Variants in ALS2 observed in about 807,000 individuals in gnomAD.
ALS2 encodes alsin.
ALS2 carries 117 observed loss-of-function variants against 203.4 expected under a neutral mutation model. The observed-to-expected ratio is 0.58, with a 90% CI of 0.50 to 0.67. The LOEUF is 0.67. Among genes scored for constraint, ALS2 ranks in the 30% least tolerant of loss-of-function variants. The pLI is 0.00. For synonymous variants in ALS2, 718 were observed against 725.9 expected, an observed-to-expected ratio of 0.99 and a Z score of 0.17; for missense variants, 1,715 against 1,989.4, an observed-to-expected ratio of 0.86 and a Z score of 2.62.
In ALS2 at chr2:201,741,693, AGAGAC is replaced by A; in HGVS notation, c.2327_2331del (p.Ser776IlefsTer4). 1.2e-6 allele frequency: 2 copies of A among 1,614,142 alleles called. No homozygotes were observed. The highest frequency in any genetic ancestry group is 1.7e-6 in the Non-Finnish European group (2 of 1,180,018). On this transcript the variant is annotated frameshift_variant, in exon 11 of 34. Coordinates refer to ENST00000264276, the MANE Select transcript of ALS2 (RefSeq NM_020919.4). LOFTEE classifies it high-confidence loss of function. The stretch of plus-strand genomic sequence containing the variant: ...ACTTGCTCTGTATAACTATCCAAGA[AGAGAC>A]TTGAATGCTTCAGGATGACCAAACT...
At chr2:201,754,457 T>C in intron 6 of ALS2, 46 bp downstream of exon 6, 1 of 1,612,868 alleles carries the variant, frequency 6.2e-7, no homozygotes, top group Non-Finnish European at 8.5e-7. Context: ...GGAGAGAGAT[T>C]ATTTGTTTAA....
intron 1 of ALS2, among the ~76,000 whole-genome samples, chr2:201,780,530 C>G (rs1311325766): frequency 2.6e-5 from 4 of 152,132 alleles, no homozygotes; most frequent in South Asian, 2.1e-4. Context: ...GAATGAATAG[C>G]TGGAAGGCAG....
At chr2:201,745,341 C>A (rs1692560057) in intron 9 of ALS2, among the ~76,000 whole-genome samples, 1 of 152,106 alleles carries the variant, frequency 6.6e-6, no homozygotes, top group Non-Finnish European at 1.5e-5. Flanking sequence ...AACCATTGTA[C>A]TTGGTCCCAA....
Position 201,761,475 on chromosome 2 carries a change from T to G in ALS2, c.519A>C (p.Ala173=). ...GACCCAACTGACAACCGGTACCCCATGCCCAAATCTCTCTGCTTATTGACA... is the reference window on the plus strand; with the variant it reads ...GACCCAACTGACAACCGGTACCCCAGGCCCAAATCTCTCTGCTTATTGACA... ...LALSISREIW[A]WGTGCQLGLI... The change falls in exon 4 of 34, where the codon GCA becomes GCC. Residue 173 remains alanine (A), a synonymous_variant. Coordinates refer to ENST00000264276, the MANE Select transcript of ALS2 (RefSeq NM_020919.4). The G allele has an allele frequency of 6.2e-7, 1 of 1,609,184 alleles. No homozygotes were observed. The highest frequency in any genetic ancestry group is 2.2e-5 in the East Asian group (1 of 44,746).
At position 201,761,722 on chromosome 2, in the gene ALS2, T is replaced by C. The variant is rs749141308; in HGVS notation, c.272A>G (p.Gln91Arg). The part of the protein sequence containing the change: ...SPILENALVG[Q>R]YVITVATGSF... Reference sequence around the variant, plus strand: ...TCCTGTTGCCACAGTAATAACATATTGCCCAACCAGGGCATTTTCTAGAAT... The same window carrying C: ...TCCTGTTGCCACAGTAATAACATATCGCCCAACCAGGGCATTTTCTAGAAT... Residue 91 changes from glutamine (Q) to arginine (R), a missense_variant, in exon 4 of 34, where the codon CAA becomes CGA. Physicochemically the swap from Gln to Arg is conservative, Grantham distance 43. This residue lies in a region of ALS2 where 476 missense variants were observed against 539.3 expected (regional missense o/e 0.88). Coordinates refer to ENST00000264276, the MANE Select transcript of ALS2 (RefSeq NM_020919.4). The C allele has an allele frequency of 1.9e-6, 3 of 1,614,036 alleles. No individual in the cohort carries two copies. In the African/African-American group the frequency reaches 4.0e-5, roughly 22 times the overall value.
intron 20 of ALS2, 87 bp from the exon 21 acceptor site, chr2:201,724,546 C>G: frequency 7.9e-7 from 1 of 1,259,418 alleles, no homozygotes; most frequent in African/African-American, 1.5e-5. Flanking sequence ...CAAAACCATA[C>G]TCAGTCTCAC....
chr2:201,768,401 C>T (rs565769466), intron 2 of ALS2, among the ~76,000 whole-genome samples: 23 of 152,208 alleles, frequency 1.5e-4, no homozygotes, highest in African/African-American at 5.5e-4. Flanking sequence ...AACGCTGATG[C>T]CAAAATTTTA....
At chr2:201,713,788 C>T (rs1341361522) in intron 25 of ALS2, among the ~76,000 whole-genome samples, 1 of 152,098 alleles carries the variant, frequency 6.6e-6, no homozygotes, top group East Asian at 1.9e-4. Flanking sequence ...ACAACTTCAA[C>T]ATCTATGTCA....
intron 26 of ALS2, 81 bp from the exon 27 acceptor site, chr2:201,710,119 A>T: frequency 6.7e-7 from 1 of 1,486,702 alleles, no homozygotes; most frequent in Non-Finnish European, 9.3e-7. Flanking sequence ...CAACTTCATA[A>T]ATGACACACA....
At position 201,780,895 on chromosome 2, in the gene ALS2, C is replaced by G. The variant is rs540106284; in HGVS notation, c.-79G>C. 1 of 152,718 alleles carries G rather than the reference C, an allele frequency of 6.5e-6. No homozygotes were observed. Among genetic ancestry groups the G allele is most frequent in the South Asian group, 2.1e-4 (1 of 4,838 alleles). The allele number at this position is 152,718 out of a possible 1,614,324, so 9.5% of individuals were successfully genotyped here. A position where few individuals can be genotyped will look rare whatever the true frequency, so the allele number is the denominator to read the frequency against. On this transcript the variant is annotated 5_prime_UTR_variant, in exon 1 of 34. Coordinates refer to ENST00000264276, the MANE Select transcript of ALS2 (RefSeq NM_020919.4). ...CGCTCACCTGAAGCTCCACCGGCAG[C>G]ACCGCGCTCCGCATCCGGCGCGAGC...
chr2:201,741,159 T>A (rs1289259170), intron 11 of ALS2: 2 of 153,720 alleles, frequency 1.3e-5, no homozygotes, highest in Non-Finnish European at 1.4e-5. Context: ...ATATTTTGCT[T>A]GAAAAATATG....
At chr2:201,723,656 T>C (rs1559046983) in intron 21 of ALS2, among the ~76,000 whole-genome samples, 1 of 152,226 alleles carries the variant, frequency 6.6e-6, no homozygotes. Context: ...TTTAATGTTG[T>C]GGTCTGACAC....
At chr2:201,736,580 G>T (rs1366021382) in intron 12 of ALS2, among the ~76,000 whole-genome samples, 2 of 150,240 alleles carry the variant, frequency 1.3e-5, no homozygotes, top group Non-Finnish European at 3.0e-5. Context: ...TGAACAAAAA[G>T]AAAGTAGAAG....
chr2:201,702,442 G>A (rs1437999249), intron 33 of ALS2, among the ~76,000 whole-genome samples: 1 of 152,024 alleles, frequency 6.6e-6, no homozygotes, highest in Non-Finnish European at 1.5e-5. Context: ...AAATCCCCAG[G>A]AGTAGAACCA....
At chr2:201,702,916 G>A (rs1689477328) in intron 33 of ALS2, among the ~76,000 whole-genome samples, 1 of 152,162 alleles carries the variant, frequency 6.6e-6, no homozygotes, top group African/African-American at 2.4e-5. Context: ...AGGAGTTCGT[G>A]ACCAGCCTGG....
chr2:201,731,702 A>AGG (rs1409051892), intron 13 of ALS2, among the ~76,000 whole-genome samples: 1 of 152,212 alleles, frequency 6.6e-6, no homozygotes, highest in East Asian at 1.9e-4. Flanking sequence ...GATGGAATAC[A>AGG]GGCAGGTTTT....
chr2:201,780,502 C>T (rs1236784543), intron 1 of ALS2, among the ~76,000 whole-genome samples: 1 of 152,216 alleles, frequency 6.6e-6, no homozygotes, highest in Non-Finnish European at 1.5e-5. Context: ...CTAGTGTGGG[C>T]ATTCAAGAAA....
intron 12 of ALS2, among the ~76,000 whole-genome samples, chr2:201,734,527 A>C (rs542663383): frequency 2.0e-5 from 3 of 152,078 alleles, no homozygotes; most frequent in African/African-American, 7.2e-5. Flanking sequence ...GGCTGGTGCT[A>C]ATGTTCCTAC....
intron 23 of ALS2, among the ~76,000 whole-genome samples, chr2:201,721,165 A>C (rs1406319856): frequency 6.6e-6 from 1 of 152,228 alleles, no homozygotes; most frequent in East Asian, 1.9e-4. Context: ...AAGAGAAATT[A>C]AAGATGTAAA....
Sources: allele counts gnomAD v4.1 joint callset (sites outside exome capture counted in the v4.1 genomes callset), GRCh38; gene constraint gnomAD v4.1.1; regional missense constraint gnomAD v4.1.1; transcripts MANE v1.5; gene names NCBI Gene and HGNC (gene_info 2026-07-23, HGNC 2026-07-21).